DROSHA: variants seen among roughly 807,000 people sequenced by gnomAD.
The protein encoded by DROSHA is drosha ribonuclease III.
In DROSHA, 56 loss-of-function variants were observed where a neutral mutation model predicts 181.9. The ratio of observed to expected loss-of-function variants is 0.31; its 90% confidence interval spans 0.25 to 0.38. The LOEUF (loss-of-function observed/expected upper bound fraction) is 0.38. Among genes scored for constraint, DROSHA ranks in the 10% least tolerant of loss-of-function variants. The probability of loss-of-function intolerance (pLI) is 1.00; values close to 1 mark genes in which losing one functional copy is unlikely to be tolerated. For missense variants in DROSHA, 1,218 were observed against 1,743.5 expected (o/e 0.70, Z 5.37); for synonymous variants, 524 against 591.2 (o/e 0.89, Z 1.65).
intron 29 of DROSHA, among the ~76,000 whole-genome samples, chr5:31,422,116 A>G (rs1742828901): frequency 6.6e-6 from 1 of 151,180 alleles, no homozygotes; most frequent in East Asian, 2.0e-4. Flanking sequence ...AAAGAAAGAA[A>G]AAGAAAAAGA....
chr5:31,521,588 T>C (rs996562136), intron 5 of DROSHA, among the ~76,000 whole-genome samples: 1 of 152,176 alleles, frequency 6.6e-6, no homozygotes, highest in Non-Finnish European at 1.5e-5. Flanking sequence ...AAATGCTCTA[T>C]TTTACCTATC....
intron 13 of DROSHA, 106 bp downstream of exon 13, chr5:31,493,101 G>A (rs1580287257): frequency 1.7e-6 from 2 of 1,146,526 alleles, no homozygotes; most frequent in East Asian, 5.2e-5. Context: ...GGATGCAGAG[G>A]AAATGTTTCT....
At chr5:31,502,651 A>G (rs1737415308) in intron 11 of DROSHA, among the ~76,000 whole-genome samples, 1 of 152,248 alleles carries the variant, frequency 6.6e-6, no homozygotes, top group African/African-American at 2.4e-5. Flanking sequence ...GGATCCCCAC[A>G]GCTCCACCAC....
chr5:31,407,531 G>A (rs903267943), intron 33 of DROSHA, among the ~76,000 whole-genome samples: 4 of 152,156 alleles, frequency 2.6e-5, no homozygotes, highest in Non-Finnish European at 4.4e-5. Flanking sequence ...AGGTACTTGG[G>A]ATTTTAATGA....
At chr5:31,450,637 AG>A (rs1404040077) in intron 21 of DROSHA, among the ~76,000 whole-genome samples, 1 of 152,112 alleles carries the variant, frequency 6.6e-6, no homozygotes, top group Non-Finnish European at 1.5e-5. Context: ...ATGGGTACCC[AG>A]GGGCATACAG....
intron 13 of DROSHA, among the ~76,000 whole-genome samples, chr5:31,488,574 G>A (rs1332503937): frequency 6.6e-6 from 1 of 152,208 alleles, no homozygotes; most frequent in African/African-American, 2.4e-5. Context: ...GAGAGAGAGA[G>A]ATGCCAGATG....
intron 23 of DROSHA, 151 bp downstream of exon 23, chr5:31,448,396 G>T: frequency 1.6e-6 from 1 of 641,698 alleles, no homozygotes; most frequent in Non-Finnish European, 2.7e-6. Flanking sequence ...TCTCTTTGGG[G>T]TAATGTCAAT....
At chr5:31,503,856 C>T (rs1279511724) in intron 11 of DROSHA, among the ~76,000 whole-genome samples, 4 of 152,308 alleles carry the variant, frequency 2.6e-5, no homozygotes, top group African/African-American at 9.6e-5. Flanking sequence ...CAGGCACCAT[C>T]TCATAGTCTT....
At chr5:31,493,174 A>G (rs1376063256) in intron 13 of DROSHA, 33 bp downstream of exon 13, 1 of 1,582,438 alleles carries the variant, frequency 6.3e-7, no homozygotes, top group Non-Finnish European at 8.6e-7. Context: ...AGGTACAAGG[A>G]AAGAGAAAAG....
chr5:31,456,437 G>A lies in DROSHA; in HGVS notation c.2575-4797C>T, dbSNP rs1346385579. Among the ~76,000 whole-genome samples, 5 of 147,720 alleles carry A rather than the reference G, an allele frequency of 3.4e-5. No homozygotes were observed. In the East Asian group the frequency reaches 1.0e-3, roughly 30 times the overall value. ...GGATTATGGGAAGAAGCAGAGAGAA[G>A]CTATTTTTACTAAAAGACAACAAGA... On this transcript the variant is annotated intron_variant, in intron 20 of 35. Transcript: ENST00000344624.
chr5:31,448,438 C>G, intron 23 of DROSHA, 109 bp downstream of exon 23: 1 of 963,922 alleles, frequency 1.0e-6, no homozygotes, highest in South Asian at 1.5e-5. Context: ...CATGGATACA[C>G]AATTTTGTGA....
intron 3 of DROSHA, among the ~76,000 whole-genome samples, chr5:31,529,887 T>C (rs1264374342): frequency 6.6e-6 from 1 of 152,154 alleles, no homozygotes; most frequent in Admixed American, 6.5e-5. Context: ...TCCTCCCACA[T>C]AAAAACACTG....
intron 19 of DROSHA, 101 bp downstream of exon 19, chr5:31,466,081 T>C: frequency 8.4e-7 from 1 of 1,190,264 alleles, no homozygotes; most frequent in South Asian, 1.5e-5. Flanking sequence ...TAAAAAAATA[T>C]TTTTCCATCT....
At chr5:31,473,317 C>T (rs1430107511) in intron 16 of DROSHA, among the ~76,000 whole-genome samples, 1 of 152,194 alleles carries the variant, frequency 6.6e-6, no homozygotes, top group Admixed American at 6.5e-5. Context: ...AACAAGACTG[C>T]ATGTCTGAGA....
intron 16 of DROSHA, among the ~76,000 whole-genome samples, chr5:31,482,862 C>T (rs1231776930): frequency 6.6e-6 from 1 of 150,550 alleles, no homozygotes; most frequent in Non-Finnish European, 1.5e-5. Context: ...CCATGTTGCT[C>T]AAGCTGGTCT....
chr5:31,525,952 A>C (rs1348865287), intron 5 of DROSHA, 127 bp downstream of exon 5: 3 of 968,928 alleles, frequency 3.1e-6, no homozygotes, highest in Non-Finnish European at 3.0e-6. Context: ...AGAGTCCAAA[A>C]TGTGCTTCCT....
chr5:31,487,956 G>T (rs1751972274), intron 13 of DROSHA, among the ~76,000 whole-genome samples: 1 of 151,948 alleles, frequency 6.6e-6, no homozygotes, highest in Admixed American at 6.6e-5. Context: ...ATAAGCTACG[G>T]GTCCTATCTT....
At chr5:31,406,123 A>C (rs1293281072) in intron 34 of DROSHA, among the ~76,000 whole-genome samples, 1 of 152,206 alleles carries the variant, frequency 6.6e-6, no homozygotes, top group African/African-American at 2.4e-5. Flanking sequence ...TACAGACTGG[A>C]GAGTTCAAAG....
At chr5:31,421,934 A>AGTGTGTGTGTG (rs1742777758) in intron 29 of DROSHA, 1 of 111,530 alleles carries the variant, frequency 9.0e-6, no homozygotes, top group African/African-American at 4.0e-5. Context: ...GTGTGTGTGT[A>AGTGTGTGTGTG]TATAAATTAG....
Sources: gnomAD v4.1 joint callset for allele counts (sites outside exome capture counted in the v4.1 genomes callset) on GRCh38, gnomAD v4.1.1 for gene constraint, MANE v1.5 for transcripts, NCBI Gene and HGNC (gene_info 2026-07-23, HGNC 2026-07-21) for gene names.